The following DYNC2H1 variants were observed in gnomAD, a reference collection of about 807,000 sequenced individuals.
DYNC2H1 encodes dynein cytoplasmic 2 heavy chain 1, also known as cytoplasmic dynein 2 heavy chain 1.
Under a neutral mutation model 570.0 loss-of-function variants are expected in DYNC2H1, and 410 were observed. That is an observed-to-expected ratio of 0.72 (90% CI 0.66 to 0.78). The LOEUF is 0.78. Among genes scored for constraint, DYNC2H1 ranks in the 30% least tolerant of loss-of-function variants. DYNC2H1 has a pLI of 0.00. For missense variants in DYNC2H1, 4,865 were observed against 5,046.4 expected, an observed-to-expected ratio of 0.96 and a Z score of 1.09; for synonymous variants, 1,688 against 1,677.6, an observed-to-expected ratio of 1.01 and a Z score of -0.15.
intron 75 of DYNC2H1, among the ~76,000 whole-genome samples, chr11:103,294,722 T>G (rs188675148): frequency 5.3e-5 from 8 of 152,172 alleles, no homozygotes; most frequent in African/African-American, 1.9e-4. Context: ...GCCCAAGGCC[T>G]GTGACCACTA....
chr11:103,368,442 G>T (rs72981412), intron 83 of DYNC2H1, among the ~76,000 whole-genome samples: 8,029 of 149,036 alleles, frequency 0.054, 257 homozygotes, highest in Non-Finnish European at 0.077. Context: ...TCACATTTGG[G>T]TTTTTTTTTT....
At chr11:103,322,723 A>G (rs1420236415) in intron 81 of DYNC2H1, among the ~76,000 whole-genome samples, 5 of 152,210 alleles carry the variant, frequency 3.3e-5, no homozygotes, top group African/African-American at 1.2e-4. Flanking sequence ...CAAAGTGTAT[A>G]ACTCTACAAA....
At chr11:103,117,258 T>A (rs1242890921) in intron 5 of DYNC2H1, among the ~76,000 whole-genome samples, 4 of 146,920 alleles carry the variant, frequency 2.7e-5, no homozygotes, top group East Asian at 2.0e-4. Flanking sequence ...TATATATATT[T>A]TATATATATA....
intron 84 of DYNC2H1, among the ~76,000 whole-genome samples, chr11:103,431,272 T>A (rs1402706422): frequency 6.6e-6 from 1 of 151,184 alleles, no homozygotes; most frequent in Non-Finnish European, 1.5e-5. Context: ...TAAGCCTTAA[T>A]GTCTCCATGA....
chr11:103,448,514 G>A (rs929191041), intron 85 of DYNC2H1, among the ~76,000 whole-genome samples: 4 of 152,074 alleles, frequency 2.6e-5, no homozygotes, highest in Non-Finnish European at 4.4e-5. Flanking sequence ...AAAGTCCTAA[G>A]TCAAACTATT....
chr11:103,265,983 G>A (rs1271672322), intron 70 of DYNC2H1, among the ~76,000 whole-genome samples: 1 of 151,060 alleles, frequency 6.6e-6, no homozygotes, highest in Non-Finnish European at 1.5e-5. Flanking sequence ...CCTAACTCTG[G>A]GGGACTCATA....
chr11:103,390,749 A>C (rs1278499344), intron 83 of DYNC2H1, among the ~76,000 whole-genome samples: 3 of 151,958 alleles, frequency 2.0e-5, no homozygotes. Flanking sequence ...TTTCTCCTTC[A>C]CTTAGGAAGT....
intron 60 of DYNC2H1, among the ~76,000 whole-genome samples, chr11:103,233,062 G>A (rs1298695952): frequency 1.3e-5 from 2 of 151,890 alleles, no homozygotes; most frequent in African/African-American, 4.8e-5. Context: ...GGACAAATTG[G>A]TTCTAGAGTC....
intron 4 of DYNC2H1, 135 bp downstream of exon 4, chr11:103,115,430 T>A (rs1254439158): frequency 9.4e-6 from 5 of 531,628 alleles, no homozygotes; most frequent in Non-Finnish European, 1.6e-5. Flanking sequence ...TGGAGAAAAC[T>A]TTAAGTTGTA....
At position 103,145,546 on chromosome 11, in the gene DYNC2H1, C is replaced by T. The variant is rs1860199247; in HGVS notation, c.2702+2151C>T. 1.3e-5 allele frequency among the ~76,000 whole-genome samples: 2 copies of T among 151,966 alleles called. No individual in the cohort carries two copies. The highest frequency in any genetic ancestry group is 2.1e-4 in the South Asian group (1 of 4,814). On this transcript the variant is annotated intron_variant, in intron 18 of 88. Transcript: ENST00000375735. This position sits in a 1 kb window ranked among gnomAD's most constrained non-coding sequence, Gnocchi z 4.2. ...TATAGATAGCTTTCCTATTTATGAT[C>T]CTTGCCAAAAGAAAAAAAAATAAAA...
intron 40 of DYNC2H1, among the ~76,000 whole-genome samples, chr11:103,183,238 T>C (rs1861927823): frequency 6.6e-6 from 1 of 151,964 alleles, no homozygotes; most frequent in African/African-American, 2.4e-5. Context: ...AGATATGTTA[T>C]TTCATTAGTA....
At chr11:103,345,771 T>A (rs1939711700) in intron 82 of DYNC2H1, among the ~76,000 whole-genome samples, 1 of 152,160 alleles carries the variant, frequency 6.6e-6, no homozygotes, top group African/African-American at 2.4e-5. Context: ...TGGCAGAGTA[T>A]GTTTTCTAGA....
At chr11:103,253,759 T>C (rs900914679) in intron 66 of DYNC2H1, among the ~76,000 whole-genome samples, 6 of 152,168 alleles carry the variant, frequency 3.9e-5, no homozygotes, top group African/African-American at 1.4e-4. Flanking sequence ...ATTATATTTT[T>C]GGTTTGAAAA....
chr11:103,274,134 GTA>G (rs144998755), intron 70 of DYNC2H1, among the ~76,000 whole-genome samples: 11,109 of 149,590 alleles, frequency 0.074, 1,375 homozygotes, highest in African/African-American at 0.26. Context: ...GTGTGTGTGT[GTA>G]TATATATATA....
At chr11:103,210,368 C>T (rs591115) in intron 53 of DYNC2H1, among the ~76,000 whole-genome samples, 114,839 of 151,782 alleles carry the variant, frequency 0.76, 43,977 homozygotes, top group Admixed American at 0.83. Flanking sequence ...GCTTAATCTT[C>T]TTAACTATAA....
At chr11:103,262,363 A>G (rs1391926292) in intron 70 of DYNC2H1, among the ~76,000 whole-genome samples, 1 of 152,186 alleles carries the variant, frequency 6.6e-6, no homozygotes, top group Non-Finnish European at 1.5e-5. Context: ...CCACAAAGAT[A>G]TTCCTTGAGA....
chr11:103,294,317 CT>C (rs2135376826), intron 75 of DYNC2H1, among the ~76,000 whole-genome samples: 1 of 152,214 alleles, frequency 6.6e-6, no homozygotes, highest in East Asian at 1.9e-4. Flanking sequence ...TTATTCCAGT[CT>C]TCAGAGTCTG....
At chr11:103,358,786 A>G (rs1940488541) in intron 83 of DYNC2H1, among the ~76,000 whole-genome samples, 2 of 152,128 alleles carry the variant, frequency 1.3e-5, no homozygotes, top group South Asian at 4.1e-4. Flanking sequence ...ACATAGTACA[A>G]CCATGTAGGT....
At chr11:103,425,094 CA>C (rs1370751881) in intron 84 of DYNC2H1, among the ~76,000 whole-genome samples, 1 of 152,082 alleles carries the variant, frequency 6.6e-6, no homozygotes, top group Non-Finnish European at 1.5e-5. Context: ...TGCCCTCACA[CA>C]AGGCTAATTT....
Sources: gnomAD v4.1 joint callset for allele counts (sites outside exome capture counted in the v4.1 genomes callset) on GRCh38, gnomAD v4.1.1 for gene constraint, Gnocchi (gnomAD v3.1) non-coding constraint, MANE v1.5 for transcripts, NCBI Gene and HGNC (gene_info 2026-07-23, HGNC 2026-07-21) for gene names.